C1orf198: variants seen among roughly 807,000 people sequenced by gnomAD.
C1orf198 encodes chromosome 1 open reading frame 198.
A neutral mutation model predicts 31.4 loss-of-function variants in C1orf198; 17 were observed. The ratio of observed to expected loss-of-function variants is 0.54; its 90% CI spans 0.37 to 0.81. C1orf198 has a LOEUF of 0.81. C1orf198 is among the 40% of genes least tolerant of loss of function. C1orf198 has a pLI of 0.00. For missense variants in C1orf198, 401 were observed against 450.3 expected, an observed-to-expected ratio of 0.89 and a Z score of 0.99; for synonymous variants, 175 against 193.8, an observed-to-expected ratio of 0.90 and a Z score of 0.81.
rs74143504 is a variant in C1orf198, at chr1:230,855,736, G to T, written c.334-18C>A. On this transcript the variant is annotated intron_variant, in intron 1 of 3. Coordinates refer to ENST00000366663, the MANE Select transcript of C1orf198 (RefSeq NM_032800.3). ...GTTAGATCCTGAAATAAAAAATCGA[G>T]AATAAGTCTGAAATTCAAACCCAGA... is the stretch of plus-strand genomic sequence containing the variant. The T allele has an allele frequency of 5.0e-6, 8 of 1,612,174 alleles. No homozygotes were observed. The highest frequency in any genetic ancestry group is 5.9e-6 in the Non-Finnish European group (7 of 1,178,918).
chr1:230,854,111 A>G (rs546745685), intron 2 of C1orf198, among the ~76,000 whole-genome samples: 1 of 152,386 alleles, frequency 6.6e-6, no homozygotes, highest in East Asian at 1.9e-4. Context: ...TGATGAGCTT[A>G]GGTCTTAGGA....
intron 2 of C1orf198, among the ~76,000 whole-genome samples, chr1:230,851,551 A>C (rs1403323788): frequency 6.6e-6 from 1 of 152,072 alleles, no homozygotes; most frequent in East Asian, 1.9e-4. Context: ...CAGCAGTAGC[A>C]TGAGACAGGA....
chr1:230,868,614 G>T, upstream of C1orf198: 1 of 789,608 alleles, frequency 1.3e-6, no homozygotes, highest in Non-Finnish European at 1.4e-6. Context: ...CGGGAACCCC[G>T]CCCTGCACCG....
In C1orf198 at chr1:230,855,554, G is replaced by A; in HGVS notation, c.384+114C>T. 3 of 1,132,122 alleles carry A rather than the reference G, an allele frequency of 2.6e-6. No individual in the cohort carries two copies. In the East Asian group the frequency reaches 7.4e-5, roughly 28 times the overall value. 70.1% of individuals were successfully genotyped at this position (1,132,122 alleles called of 1,614,324 possible). On this transcript the variant is annotated intron_variant, in intron 2 of 3. Transcript: ENST00000366663. ...TCTACCAACAATGGACACATCCCCT[G>A]CAGCCTGGCAGTCAGGGGGCTGTCT... is the stretch of plus-strand genomic sequence containing the variant.
intron 1 of C1orf198, 114 bp from the exon 2 acceptor site, chr1:230,855,832 T>A (rs1669856699): frequency 1.3e-6 from 2 of 1,515,036 alleles, no homozygotes; most frequent in African/African-American, 2.8e-5. Flanking sequence ...AACTCCTGGC[T>A]CTAAACAAGC....
chr1:230,868,052 G>C, intron 1 of C1orf198, 128 bp downstream of exon 1: 82 of 881,804 alleles, frequency 9.3e-5, no homozygotes, highest in Non-Finnish European at 1.2e-4. Context: ...CCCACCCACT[G>C]CCATTCCTGC....
intron 2 of C1orf198, among the ~76,000 whole-genome samples, chr1:230,849,559 G>A (rs994128152): frequency 2.5e-4 from 38 of 152,352 alleles, no homozygotes; most frequent in Admixed American, 2.0e-3. Flanking sequence ...CACCCCATGC[G>A]GGGAACTGGG....
chr1:230,840,616 T>A lies in C1orf198; in HGVS notation c.928-708A>T, dbSNP rs1394633479. Among the ~76,000 whole-genome samples, 1 of 152,230 alleles carries A rather than the reference T, an allele frequency of 6.6e-6. No homozygotes were observed. Among genetic ancestry groups the A allele is most frequent in the Non-Finnish European group, 1.5e-5 (1 of 68,050 alleles). On this transcript the variant is annotated intron_variant, in intron 3 of 3. Coordinates refer to ENST00000366663, the MANE Select transcript of C1orf198 (RefSeq NM_032800.3). This position sits in a 1 kb window ranked among gnomAD's most constrained non-coding sequence, Gnocchi z 4.0. ...CTGCTGTTTTCATAAAACTTCTGAC[T>A]GGCTTCCACTCAGCAGCCTGTTTCT...
intron 2 of C1orf198, 114 bp from the exon 3 acceptor site, chr1:230,844,010 C>T (rs992045530): frequency 1.8e-6 from 2 of 1,130,040 alleles, no homozygotes; most frequent in African/African-American, 1.6e-5. Context: ...ACCAGCCACA[C>T]ACGAGTTGTT....
At chr1:230,864,730 T>G (rs750424364) in intron 1 of C1orf198, among the ~76,000 whole-genome samples, 1 of 152,096 alleles carries the variant, frequency 6.6e-6, no homozygotes, top group Non-Finnish European at 1.5e-5. Context: ...GTCATCTGCT[T>G]AGGGCCCATC....
intron 2 of C1orf198, among the ~76,000 whole-genome samples, chr1:230,852,313 G>C (rs1199794559): frequency 6.6e-6 from 1 of 151,250 alleles, no homozygotes; most frequent in Non-Finnish European, 1.5e-5. Flanking sequence ...ACATAAACGG[G>C]GTATACAATA....
In C1orf198 at chr1:230,866,847, C is replaced by G. The variant is rs943410238; in HGVS notation, c.333+1333G>C. Among the ~76,000 whole-genome samples, 4 of 152,170 alleles carry G rather than the reference C, an allele frequency of 2.6e-5. No homozygotes were observed. The South Asian group carries it at 8.3e-4, about 32-fold the overall frequency. ...ATTTTAAAACCTATATTTTCCCCTC[C>G]CCAGTTTACCACACCCTTGTTTTTC... On this transcript the variant is annotated intron_variant, in intron 1 of 3. Transcript: ENST00000366663.
intron 1 of C1orf198, among the ~76,000 whole-genome samples, chr1:230,864,812 G>A (rs1390875903): frequency 1.3e-5 from 2 of 152,206 alleles, no homozygotes; most frequent in Non-Finnish European, 2.9e-5. Context: ...TGCTAGATCA[G>A]TGACAAGAAG....
At chr1:230,865,896 T>C (rs12042016) in intron 1 of C1orf198, among the ~76,000 whole-genome samples, 21,309 of 152,218 alleles carry the variant, frequency 0.14, 1,873 homozygotes, top group East Asian at 0.38. Flanking sequence ...TTACTGGCAA[T>C]GGGGGAGAGG....
intron 1 of C1orf198, among the ~76,000 whole-genome samples, chr1:230,866,428 C>T (rs916050909): frequency 1.4e-4 from 21 of 152,186 alleles, no homozygotes; most frequent in Non-Finnish European, 1.2e-4. Context: ...ATACAGGCAC[C>T]ACAGCACGGC....
chr1:230,837,264 CAG>C lies in C1orf198; in HGVS notation c.*2586_*2587del, dbSNP rs1491302698. 2 of 152,782 alleles carry C rather than the reference CAG, an allele frequency of 1.3e-5. No individual in the cohort carries two copies. The highest frequency in any genetic ancestry group is 1.9e-4 in the East Asian group (1 of 5,184). The allele number at this position is 152,782 out of a possible 1,614,324, so 9.5% of individuals were successfully genotyped here. A position where few individuals can be genotyped will look rare whatever the true frequency, so the allele number is the denominator to read the frequency against. ...AGGGAGGCTCTTCCTGAAATCCACA[CAG>C]GGGGGTGCGGCTCAGACGGGTGACA... On this transcript the variant is annotated 3_prime_UTR_variant, in exon 4 of 4. Coordinates refer to ENST00000366663, the MANE Select transcript of C1orf198 (RefSeq NM_032800.3).
chr1:230,846,733 C>T (rs971376026), intron 2 of C1orf198, among the ~76,000 whole-genome samples: 35 of 152,288 alleles, frequency 2.3e-4, no homozygotes, highest in African/African-American at 8.4e-4. Flanking sequence ...AAGGCTGAAG[C>T]GGGCAGATCA....
upstream of C1orf198, chr1:230,869,322 G>A (rs1423602952): frequency 1.3e-5 from 2 of 152,296 alleles, no homozygotes; most frequent in African/African-American, 4.8e-5. Flanking sequence ...CCAAAGAGGA[G>A]CAGAAAGTTT....
chr1:230,868,093 C>T (rs996424607), intron 1 of C1orf198, 87 bp downstream of exon 1: 11 of 1,220,854 alleles, frequency 9.0e-6, no homozygotes, highest in African/African-American at 7.9e-5. Context: ...CCAGCTGGGG[C>T]GGCCTCACGC....
Sources: gnomAD v4.1 joint callset for allele counts (sites outside exome capture counted in the v4.1 genomes callset) on GRCh38, gnomAD v4.1.1 for gene constraint, Gnocchi (gnomAD v3.1) non-coding constraint, MANE v1.5 for transcripts, NCBI Gene and HGNC (gene_info 2026-07-23, HGNC 2026-07-21) for gene names.